ANKS1B: variants seen among roughly 807,000 people sequenced by gnomAD.
ANKS1B encodes the protein ankyrin repeat and sterile alpha motif domain containing 1B, also known as ankyrin repeat and sterile alpha motif domain-containing protein 1B.
ANKS1B carries 36 observed loss-of-function variants against 148.3 expected under a neutral mutation model. That is an observed-to-expected ratio of 0.24 (90% CI 0.19 to 0.32). ANKS1B has a LOEUF of 0.32. Ranked by LOEUF, ANKS1B falls within the 10% of genes least tolerant of loss-of-function variation. The pLI is 1.00. For missense variants in ANKS1B, 1,157 were observed against 1,542.6 expected (o/e 0.75, Z 4.19); for synonymous variants, 542 against 560.8 (o/e 0.97, Z 0.47).
chr12:99,784,966 T>C (rs559763247), intron 4 of ANKS1B, among the ~76,000 whole-genome samples: 19 of 152,290 alleles, frequency 1.2e-4, no homozygotes, highest in African/African-American at 4.3e-4. Context: ...AGCGGAAATG[T>C]AGGCCACATC....
chr12:99,026,127 G>A (rs1463896250), intron 17 of ANKS1B, among the ~76,000 whole-genome samples: 2 of 152,122 alleles, frequency 1.3e-5, no homozygotes, highest in East Asian at 1.9e-4. Flanking sequence ...TATATTTTGT[G>A]TTTATTTCTT....
intron 9 of ANKS1B, among the ~76,000 whole-genome samples, chr12:99,574,956 C>A (rs2097501343): frequency 6.6e-6 from 1 of 152,034 alleles, no homozygotes. Context: ...GAAGTATACA[C>A]ATCAGAAAGA....
intron 12 of ANKS1B, among the ~76,000 whole-genome samples, chr12:99,267,319 T>C (rs1252148094): frequency 6.6e-6 from 1 of 152,120 alleles, no homozygotes; most frequent in Non-Finnish European, 1.5e-5. Context: ...CACAGGGAAA[T>C]AATTTTATGC....
intron 14 of ANKS1B, among the ~76,000 whole-genome samples, chr12:99,213,877 T>A (rs764364610): frequency 1.3e-5 from 2 of 152,176 alleles, no homozygotes; most frequent in Admixed American, 6.5e-5. Flanking sequence ...AGGGGTAGGC[T>A]AGCTCTATGT....
At chr12:99,118,246 A>C (rs1024298905) in intron 15 of ANKS1B, among the ~76,000 whole-genome samples, 4 of 152,212 alleles carry the variant, frequency 2.6e-5, no homozygotes, top group African/African-American at 9.6e-5. Context: ...GGTTGTTGGG[A>C]AAATATAAAT....
intron 17 of ANKS1B, among the ~76,000 whole-genome samples, chr12:99,036,610 C>T (rs991271231): frequency 6.6e-6 from 1 of 152,134 alleles, no homozygotes; most frequent in African/African-American, 2.4e-5. Flanking sequence ...TATAATTTGG[C>T]ATCAGTACTT....
intron 17 of ANKS1B, among the ~76,000 whole-genome samples, chr12:98,966,940 A>G (rs2099878577): frequency 6.6e-6 from 1 of 152,046 alleles, no homozygotes. Flanking sequence ...CCTAATGTAA[A>G]TGACGAGTAA....
intron 17 of ANKS1B, among the ~76,000 whole-genome samples, chr12:98,861,262 T>C (rs569866941): frequency 8.5e-5 from 13 of 152,336 alleles, no homozygotes; most frequent in African/African-American, 3.1e-4. Context: ...GGCTCCAATC[T>C]TGATTTTGCC....
At chr12:99,398,088 T>C (rs985347733) in intron 12 of ANKS1B, among the ~76,000 whole-genome samples, 3 of 152,262 alleles carry the variant, frequency 2.0e-5, no homozygotes, top group African/African-American at 4.8e-5. Flanking sequence ...AGTTGGGTTT[T>C]ATTCTAAGTG....
intron 8 of ANKS1B, among the ~76,000 whole-genome samples, chr12:99,736,126 C>T (rs2059596256): frequency 6.6e-6 from 1 of 151,946 alleles, no homozygotes; most frequent in African/African-American, 2.4e-5. Flanking sequence ...TAATAAAGGC[C>T]ATATATGATA....
At chr12:99,676,755 A>G (rs1186023317) in intron 8 of ANKS1B, among the ~76,000 whole-genome samples, 2 of 152,230 alleles carry the variant, frequency 1.3e-5, no homozygotes, top group East Asian at 3.8e-4. Flanking sequence ...ATTACTAAAT[A>G]TATCTCCAAG....
At chr12:99,480,009 A>G in intron 10 of ANKS1B, among the ~76,000 whole-genome samples, 1 of 151,860 alleles carries the variant, frequency 6.6e-6, no homozygotes, top group East Asian at 1.9e-4. Context: ...CCATAAATAT[A>G]TACACCTATT....
In ANKS1B at chr12:99,380,823, C is replaced by T. The variant is rs538112557; in HGVS notation, c.1756+18808G>A. Among the ~76,000 whole-genome samples, 335 of 150,582 alleles carry T rather than the reference C, an allele frequency of 2.2e-3. 1 individual carries two copies. Among genetic ancestry groups the T allele is most frequent in the Non-Finnish European group, 3.7e-3 (251 of 67,888 alleles). ...TTCCTTTCTCATGCTCCACAACAAA[C>T]ATTTGTTAGGCAACAGTTCATTTAC... On this transcript the variant is annotated intron_variant, in intron 12 of 26. Coordinates refer to ENST00000683438, the MANE Select transcript of ANKS1B (RefSeq NM_001352186.2).
intron 17 of ANKS1B, among the ~76,000 whole-genome samples, chr12:99,043,252 A>G (rs1274912234): frequency 6.6e-6 from 1 of 152,330 alleles, no homozygotes; most frequent in Middle Eastern, 3.4e-3. Flanking sequence ...TGTTATTCAA[A>G]TTAATCTAAT....
At chr12:98,952,396 T>G (rs2099855459) in intron 17 of ANKS1B, among the ~76,000 whole-genome samples, 1 of 152,206 alleles carries the variant, frequency 6.6e-6, no homozygotes. Context: ...GCTTACACAT[T>G]GTCAAATCCT....
chr12:98,997,589 C>T (rs1339980855), intron 17 of ANKS1B, among the ~76,000 whole-genome samples: 2 of 152,012 alleles, frequency 1.3e-5, no homozygotes, highest in Non-Finnish European at 2.9e-5. Flanking sequence ...GATGGGGTTT[C>T]ACCATGTTGG....
intron 11 of ANKS1B, among the ~76,000 whole-genome samples, chr12:99,442,761 A>G (rs2095570724): frequency 6.6e-6 from 1 of 152,064 alleles, no homozygotes; most frequent in African/African-American, 2.4e-5. Flanking sequence ...ATATTAAACA[A>G]ATCTTGCTTA....
intron 17 of ANKS1B, among the ~76,000 whole-genome samples, chr12:98,837,952 C>A (rs1224648383): frequency 1.3e-5 from 2 of 152,048 alleles, no homozygotes; most frequent in Non-Finnish European, 2.9e-5. Context: ...AGTAAGAGAA[C>A]CAGTAATCCA....
At chr12:98,882,668 TA>T (rs1412961235) in intron 17 of ANKS1B, among the ~76,000 whole-genome samples, 1 of 151,536 alleles carries the variant, frequency 6.6e-6, no homozygotes, top group Non-Finnish European at 1.5e-5. Flanking sequence ...TAATTGTCAC[TA>T]AAAAATCATC....
Sources: gnomAD v4.1 joint callset for allele counts (sites outside exome capture counted in the v4.1 genomes callset) on GRCh38, gnomAD v4.1.1 for gene constraint, MANE v1.5 for transcripts, NCBI Gene and HGNC (gene_info 2026-07-23, HGNC 2026-07-21) for gene names.